TANK: variants seen among roughly 807,000 people sequenced by gnomAD.
TANK encodes TRAF family member associated NFKB activator.
TANK carries 15 observed loss-of-function variants against 43.6 expected under a neutral mutation model. That is an observed-to-expected ratio of 0.34 (90% CI 0.23 to 0.53). TANK has a LOEUF of 0.53. Among genes scored for constraint, TANK ranks in the 20% least tolerant of loss-of-function variants. TANK has a pLI of 0.94. For synonymous variants in TANK, 162 were observed against 178.2 expected, an observed-to-expected ratio of 0.91 and a Z score of 0.73; for missense variants, 417 against 498.6, an observed-to-expected ratio of 0.84 and a Z score of 1.56.
intron 2 of TANK, chr2:161,202,802 T>G (rs1343108824): frequency 4.5e-6 from 2 of 443,968 alleles, no homozygotes; most frequent in African/African-American, 2.1e-5. Flanking sequence ...GCTTGAATGT[T>G]TGCAGCATCT....
chr2:161,160,789 G>A, intron 1 of TANK: 1 of 554,876 alleles, frequency 1.8e-6, no homozygotes, highest in Admixed American at 2.2e-5. Flanking sequence ...TGCTTTGCCC[G>A]GGAAATGGGG....
At chr2:161,149,513 T>C (rs1404875744) in intron 1 of TANK, among the ~76,000 whole-genome samples, 2 of 152,216 alleles carry the variant, frequency 1.3e-5, no homozygotes, top group Non-Finnish European at 2.9e-5. Flanking sequence ...TACTGTTTCC[T>C]GGACAGTGTT....
At chr2:161,164,387 T>C (rs993688200) in intron 1 of TANK, among the ~76,000 whole-genome samples, 1 of 152,206 alleles carries the variant, frequency 6.6e-6, no homozygotes, top group South Asian at 2.1e-4. Context: ...TGGCTGCCAT[T>C]TCCCACCTGT....
In TANK at chr2:161,211,860, T is replaced by C. The variant is rs1478077100; in HGVS notation, c.327+7067T>C. 5.1e-6 allele frequency: 5 copies of C among 985,230 alleles called. No individual in the cohort carries two copies. In the East Asian group the frequency reaches 3.4e-4, roughly 67 times the overall value. 61.0% of individuals were successfully genotyped at this position (985,230 alleles called of 1,614,324 possible). A position where few individuals can be genotyped will look rare whatever the true frequency, so the allele number is the denominator to read the frequency against. ...TCCTTGCCTTGCAGTCCAAAGCAAATGTACCGCTTCTCCTGGTTTTCTTTC... is the reference window on the plus strand; with the variant it reads ...TCCTTGCCTTGCAGTCCAAAGCAAACGTACCGCTTCTCCTGGTTTTCTTTC... On this transcript the variant is annotated intron_variant, in intron 4 of 7. Transcript: ENST00000392749.
intron 4 of TANK, among the ~76,000 whole-genome samples, chr2:161,218,060 T>C (rs1687196282): frequency 6.6e-6 from 1 of 152,156 alleles, no homozygotes. Context: ...TACTGCCAAA[T>C]TGCCTATGTT....
At chr2:161,214,603 T>A (rs1687037838) in intron 4 of TANK, among the ~76,000 whole-genome samples, 1 of 152,142 alleles carries the variant, frequency 6.6e-6, no homozygotes, top group Non-Finnish European at 1.5e-5. Context: ...CCAGCAGTTT[T>A]ATTCATTGTT....
intron 1 of TANK, among the ~76,000 whole-genome samples, chr2:161,145,133 CTTTTTTTTT>C (rs144526006): frequency 3.3e-4 from 11 of 32,880 alleles, no homozygotes; most frequent in Non-Finnish European, 4.1e-4. Context: ...GCAACCCCTG[CTTTTTTTTT>C]TTTTTTTTTT....
intron 4 of TANK, among the ~76,000 whole-genome samples, chr2:161,210,750 C>CGG (rs1686854030): frequency 1.4e-5 from 2 of 140,970 alleles, no homozygotes; most frequent in African/African-American, 5.2e-5. Context: ...ACAGATAAAA[C>CGG]ATTTAGGACC....
Position 161,161,479 on chromosome 2 carries a change from C to T in TANK, c.-50+993C>T, listed in dbSNP as rs1010067957. On this transcript the variant is annotated intron_variant, in intron 1 of 7. Coordinates refer to ENST00000392749, the MANE Select transcript of TANK (RefSeq NM_001199135.3). Reference sequence around the variant, plus strand: ...TGTCCTCATTTGAGAGAGGAGGGATCCTCAAATAATACAACTATGTGCAAA... The same window carrying T: ...TGTCCTCATTTGAGAGAGGAGGGATTCTCAAATAATACAACTATGTGCAAA... The T allele has an allele frequency of 3.9e-6, 6 of 1,539,660 alleles. No homozygotes were observed. The African/African-American group carries it at 8.2e-5, about 21-fold the overall frequency.
chr2:161,140,811 G>C (rs966570057), intron 1 of TANK, among the ~76,000 whole-genome samples: 10 of 147,352 alleles, frequency 6.8e-5, no homozygotes, highest in African/African-American at 2.6e-4. Flanking sequence ...AGGATAGTAA[G>C]GGTTTTTTTT....
At chr2:161,219,676 T>G (rs1201891011) in intron 4 of TANK, 1 of 432,290 alleles carries the variant, frequency 2.3e-6, no homozygotes, top group East Asian at 7.2e-5. Flanking sequence ...GTTTTATACC[T>G]TAATCTTTTT....
At chr2:161,160,632 A>C in intron 1 of TANK, 146 bp downstream of exon 1, 1 of 635,032 alleles carries the variant, frequency 1.6e-6, no homozygotes, top group Non-Finnish European at 2.4e-6. Flanking sequence ...ACCAATTTGC[A>C]GTTTGGGGAG....
chr2:161,196,444 T>A (rs1225789655), intron 2 of TANK, among the ~76,000 whole-genome samples: 1 of 152,108 alleles, frequency 6.6e-6, no homozygotes, highest in African/African-American at 2.4e-5. Flanking sequence ...GAGCTAGAGG[T>A]ACTAATACGA....
At chr2:161,153,361 T>C (rs1185769500) in intron 1 of TANK, among the ~76,000 whole-genome samples, 2 of 152,140 alleles carry the variant, frequency 1.3e-5, no homozygotes, top group Non-Finnish European at 2.9e-5. Context: ...TTTAAAGACA[T>C]TTTAAGTGAT....
intron 1 of TANK, among the ~76,000 whole-genome samples, chr2:161,167,062 C>T (rs752963639): frequency 6.6e-6 from 1 of 152,208 alleles, no homozygotes; most frequent in Admixed American, 6.5e-5. Context: ...TCTGGCAGAA[C>T]ATTTACCCAG....
At chr2:161,204,901 T>C (rs1686579568) in intron 4 of TANK, 108 bp downstream of exon 4, 7 of 1,506,484 alleles carry the variant, frequency 4.6e-6, no homozygotes, top group Non-Finnish European at 6.2e-6. Context: ...AGAAGTTCCA[T>C]ATATACAAAT....
chr2:161,171,251 A>G (rs1684926375), intron 1 of TANK, among the ~76,000 whole-genome samples: 1 of 152,248 alleles, frequency 6.6e-6, no homozygotes, highest in Non-Finnish European at 1.5e-5. Flanking sequence ...AATATTCAAC[A>G]GTCTGAAGGA....
chr2:161,193,986 A>G (rs537999150), intron 2 of TANK, among the ~76,000 whole-genome samples: 3 of 152,330 alleles, frequency 2.0e-5, no homozygotes, highest in South Asian at 2.1e-4. Flanking sequence ...AAGTATCACA[A>G]GACTCCATAA....
intron 2 of TANK, 36 bp from the exon 3 acceptor site, chr2:161,203,451 A>C: frequency 2.2e-6 from 3 of 1,356,588 alleles, no homozygotes; most frequent in Non-Finnish European, 3.1e-6. Context: ...CATGTCTATC[A>C]GTGAATATCA....
Sources: gnomAD v4.1 joint callset for allele counts (sites outside exome capture counted in the v4.1 genomes callset) on GRCh38, gnomAD v4.1.1 for gene constraint, MANE v1.5 for transcripts, NCBI Gene and HGNC (gene_info 2026-07-23, HGNC 2026-07-21) for gene names.